The following ZNRF1 variants were observed in gnomAD, a reference collection of about 807,000 sequenced individuals.
ZNRF1 encodes E3 ubiquitin-protein ligase ZNRF1.
In ZNRF1, 3 loss-of-function variants were observed where a neutral mutation model predicts 18.4. That is an observed-to-expected ratio of 0.16 (90% CI 0.07 to 0.42). ZNRF1 has a LOEUF of 0.42. Ranked by LOEUF, ZNRF1 falls within the 10% of genes least tolerant of loss-of-function variation. The pLI is 0.99. For missense variants in ZNRF1, 310 were observed against 329.8 expected (o/e 0.94, Z 0.47); for synonymous variants, 157 against 144.2 (o/e 1.09, Z -0.64).
rs1280346302 is a variant in ZNRF1 at position 75,108,053 on chromosome 16, C to G, written c.*353C>G. The G allele has an allele frequency of 6.5e-6, 2 of 305,364 alleles. No homozygotes were observed. Among genetic ancestry groups the G allele is most frequent in the African/African-American group, 2.3e-5 (1 of 44,120 alleles). 18.9% of individuals were successfully genotyped at this position (305,364 alleles called of 1,614,324 possible). A position where few individuals can be genotyped will look rare whatever the true frequency, so the allele number is the denominator to read the frequency against. On this transcript the variant is annotated 3_prime_UTR_variant, in exon 5 of 5. Transcript: ENST00000335325. ...AGTCTAGTGTCGACTGGTGTTTTCC[C>G]TCGTGATGTTTACAGCTTGCTGTTT...
At chr16:75,094,787 TCCAAA>T (rs1185254192) in intron 2 of ZNRF1, among the ~76,000 whole-genome samples, 1 of 152,178 alleles carries the variant, frequency 6.6e-6, no homozygotes, top group Non-Finnish European at 1.5e-5. Context: ...TAGTCTGGTC[TCCAAA>T]CCATGTTCAT....
chr16:75,089,748 CT>C (rs1247999077), intron 1 of ZNRF1, among the ~76,000 whole-genome samples: 1 of 152,118 alleles, frequency 6.6e-6, no homozygotes, highest in Admixed American at 6.5e-5. Flanking sequence ...GAGTCTCCGC[CT>C]TTTTTTTCTA....
rs560940457 is a variant in ZNRF1 at position 75,075,228 on chromosome 16, T to C, written c.425-18344T>C. On this transcript the variant is annotated intron_variant, in intron 1 of 4. Coordinates refer to ENST00000335325, the MANE Select transcript of ZNRF1 (RefSeq NM_032268.5). ...AGGGGGAAAGGGCTGACCTTTTTCC[T>C]GCCAGCAGTACTGTCAAGGCCTGCC... Among the ~76,000 whole-genome samples, 14 of 152,352 alleles carry C rather than the reference T, an allele frequency of 9.2e-5. No individual in the cohort carries two copies. The East Asian group carries it at 2.3e-3, about 25-fold the overall frequency.
At chr16:75,005,797 C>G (rs186994384) in intron 1 of ZNRF1, among the ~76,000 whole-genome samples, 2 of 152,312 alleles carry the variant, frequency 1.3e-5, no homozygotes, top group Admixed American at 1.3e-4. Flanking sequence ...TTCTCTCTCT[C>G]TCTCTCCCTG....
rs2036337589 is a variant in ZNRF1, at chr16:75,107,975, G to A, written c.*275G>A. 1 of 352,260 alleles carries A rather than the reference G, an allele frequency of 2.8e-6. No homozygotes were observed. Among genetic ancestry groups the A allele is most frequent in the Non-Finnish European group, 5.7e-6 (1 of 175,688 alleles). The allele number at this position is 352,260 out of a possible 1,614,324, so 21.8% of individuals were successfully genotyped here. On this transcript the variant is annotated 3_prime_UTR_variant, in exon 5 of 5. Coordinates refer to ENST00000335325, the MANE Select transcript of ZNRF1 (RefSeq NM_032268.5). ...GCATTTTCTTTTTCATCTTTGAAAG[G>A]CATTGTGGGTCTGTCTTTAAAGTGT... is the stretch of plus-strand genomic sequence containing the variant.
At chr16:75,096,571 G>T (rs537156811) in intron 2 of ZNRF1, among the ~76,000 whole-genome samples, 1 of 152,140 alleles carries the variant, frequency 6.6e-6, no homozygotes, top group Non-Finnish European at 1.5e-5. Flanking sequence ...GCGAGGCGGG[G>T]CTTTCTTAGT....
At chr16:75,035,240 C>T (rs2035362577) in intron 1 of ZNRF1, among the ~76,000 whole-genome samples, 1 of 151,718 alleles carries the variant, frequency 6.6e-6, no homozygotes, top group South Asian at 2.1e-4. Flanking sequence ...TGCCATGTTG[C>T]CTGGGCTGGT....
intron 1 of ZNRF1, among the ~76,000 whole-genome samples, chr16:75,032,196 G>A (rs1353818566): frequency 1.4e-5 from 2 of 141,042 alleles, no homozygotes; most frequent in South Asian, 2.3e-4. Context: ...TACACCCTCC[G>A]TCTCCTGGGT....
intron 1 of ZNRF1, among the ~76,000 whole-genome samples, chr16:75,093,300 G>A (rs940670861): frequency 6.6e-6 from 1 of 151,654 alleles, no homozygotes; most frequent in Admixed American, 6.6e-5. Context: ...CAGGAGAATC[G>A]CTTGAACCCG....
rs948354743 is a variant in ZNRF1, at chr16:75,108,633, AT to A, written c.*934del. 5.0e-6 allele frequency: 2 copies of A among 398,814 alleles called. No homozygotes were observed. The highest frequency in any genetic ancestry group is 4.1e-5 in the African/African-American group (2 of 48,640). The allele number at this position is 398,814 out of a possible 1,614,324, so 24.7% of individuals were successfully genotyped here. A position where few individuals can be genotyped will look rare whatever the true frequency, so the allele number is the denominator to read the frequency against. On this transcript the variant is annotated 3_prime_UTR_variant, in exon 5 of 5. Transcript: ENST00000335325. Reference sequence around the variant, plus strand: ...AAAAACTTATAAAATGTTTAAAAAAATGTTCAAAGCTTGGGAGAAAAGCTTT... The same window carrying A: ...AAAAACTTATAAAATGTTTAAAAAAAGTTCAAAGCTTGGGAGAAAAGCTTT...
At chr16:75,100,763 GC>G (rs1454869032) in intron 2 of ZNRF1, among the ~76,000 whole-genome samples, 2 of 152,238 alleles carry the variant, frequency 1.3e-5, no homozygotes, top group Non-Finnish European at 2.9e-5. Flanking sequence ...AAGGGCTATA[GC>G]CCATACGCTC....
intron 2 of ZNRF1, chr16:75,095,104 A>T (rs1473664260): frequency 6.5e-6 from 1 of 152,830 alleles, no homozygotes; most frequent in Non-Finnish European, 1.5e-5. Flanking sequence ...GCGTCCACTC[A>T]GGTCTCCTGA....
rs376206250 is a variant in ZNRF1, at chr16:75,060,639, G to A, written c.425-32933G>A. Among the ~76,000 whole-genome samples, 149 of 151,806 alleles carry A rather than the reference G, an allele frequency of 9.8e-4. 4 individuals carry two copies. The South Asian group carries it at 0.026, about 26-fold the overall frequency. On this transcript the variant is annotated intron_variant, in intron 1 of 4. Transcript: ENST00000335325. ...TTACAGGCACACACCACCCTGCCTTGCTAATTTTTGTATTTTTAGTAGAGA... is the reference window on the plus strand; with the variant it reads ...TTACAGGCACACACCACCCTGCCTTACTAATTTTTGTATTTTTAGTAGAGA...
intron 1 of ZNRF1, among the ~76,000 whole-genome samples, chr16:75,037,314 T>C (rs1275484350): frequency 6.6e-6 from 1 of 152,108 alleles, no homozygotes; most frequent in Non-Finnish European, 1.5e-5. Flanking sequence ...TCAGTTTTAA[T>C]GTCACTTGGT....
chr16:75,041,646 T>C (rs1029080872), intron 1 of ZNRF1, among the ~76,000 whole-genome samples: 4 of 152,128 alleles, frequency 2.6e-5, no homozygotes, highest in Non-Finnish European at 4.4e-5. Context: ...GTGATTTTAA[T>C]TTGTATTTCG....
intron 1 of ZNRF1, among the ~76,000 whole-genome samples, chr16:75,056,251 T>C (rs1390466329): frequency 6.6e-6 from 1 of 152,242 alleles, no homozygotes; most frequent in Non-Finnish European, 1.5e-5. Context: ...TTTCATTCTA[T>C]TCAGCCCAGC....
chr16:75,081,370 C>G (rs62059182), intron 1 of ZNRF1, among the ~76,000 whole-genome samples: 13,007 of 152,258 alleles, frequency 0.085, 672 homozygotes, highest in Admixed American at 0.13. Flanking sequence ...GGAAGTGACA[C>G]TTTCTTCTGC....
chr16:75,049,341 T>A (rs190230694), intron 1 of ZNRF1, among the ~76,000 whole-genome samples: 247 of 152,150 alleles, frequency 1.6e-3, no homozygotes, highest in African/African-American at 5.7e-3. Context: ...CTTTTAAAAA[T>A]TTTTTAGACC....
intron 1 of ZNRF1, among the ~76,000 whole-genome samples, chr16:75,012,653 C>T (rs1028318076): frequency 1.3e-5 from 2 of 152,168 alleles, no homozygotes; most frequent in Non-Finnish European, 2.9e-5. Context: ...ATTATGATAT[C>T]AAATCTCAGT....
Sources: allele counts gnomAD v4.1 joint callset (sites outside exome capture counted in the v4.1 genomes callset), GRCh38; gene constraint gnomAD v4.1.1; transcripts MANE v1.5; gene names NCBI Gene and HGNC (gene_info 2026-07-23, HGNC 2026-07-21).